MYO9A: variants seen among roughly 807,000 people sequenced by gnomAD.
MYO9A encodes unconventional myosin-IXa.
In MYO9A, 103 loss-of-function variants were observed where a neutral mutation model predicts 293.3. The ratio of observed to expected loss-of-function variants is 0.35; its 90% CI spans 0.30 to 0.41. The LOEUF is 0.41. MYO9A is among the 10% of genes least tolerant of loss of function. The pLI, the probability that MYO9A is intolerant of heterozygous loss-of-function variation, is 1.00. For synonymous variants in MYO9A, 1,001 were observed against 1,035.7 expected (o/e 0.97, Z 0.64); for missense variants, 2,685 against 3,033.0 (o/e 0.89, Z 2.69).
chr15:71,947,839 A>G (rs551587560), intron 15 of MYO9A, among the ~76,000 whole-genome samples: 1 of 152,312 alleles, frequency 6.6e-6, no homozygotes, highest in Admixed American at 6.5e-5. Flanking sequence ...GAATGGGTTC[A>G]AATTAAAGTT....
At chr15:71,849,010 G>GTAAA in intron 38 of MYO9A, 42 bp from the exon 39 acceptor site, 1 of 1,529,466 alleles carries the variant, frequency 6.5e-7, no homozygotes, top group Non-Finnish European at 8.8e-7. Flanking sequence ...AAGAGGTGAA[G>GTAAA]TAAATAAAGT....
At chr15:71,972,567 C>G (rs908968204) in intron 12 of MYO9A, among the ~76,000 whole-genome samples, 2 of 152,060 alleles carry the variant, frequency 1.3e-5, no homozygotes, top group African/African-American at 4.8e-5. Context: ...TAGAGGACAC[C>G]CAGTTGGTGT....
At position 71,991,165 on chromosome 15, in the gene MYO9A, T is replaced by C; in HGVS notation, c.1660A>G (p.Ile554Val). 6.2e-7 allele frequency: 1 copy of C among 1,609,572 alleles called. No homozygotes were observed. The highest frequency in any genetic ancestry group is 1.1e-5 in the South Asian group (1 of 90,138). The change falls in exon 11 of 42, where the codon ATT (isoleucine) becomes GTT (valine). Residue 554 changes from isoleucine (I) to valine (V), a missense_variant. Around this residue, in one of 10 missense-constraint regions of MYO9A, gnomAD observed 201 missense variants for 245.2 expected, o/e 0.82. Transcript: ENST00000356056. ...TGTAAACGTTCATTAGCAAAATTAATACAGAACTGTTCAAAGCTGTTATTT... is the reference window on the plus strand; with the variant it reads ...TGTAAACGTTCATTAGCAAAATTAACACAGAACTGTTCAAAGCTGTTATTT... ...YENNSFEQFC[I>V]NFANERLQHY...
intron 26 of MYO9A, chr15:71,893,018 C>T (rs1374355605): frequency 1.6e-6 from 2 of 1,289,650 alleles, no homozygotes; most frequent in African/African-American, 3.0e-5. Context: ...GGCCCTAGCT[C>T]ACAGTGAGAA....
chr15:71,994,959 T>C (rs2148512345), intron 9 of MYO9A, among the ~76,000 whole-genome samples: 1 of 152,308 alleles, frequency 6.6e-6, no homozygotes, highest in South Asian at 2.1e-4. Flanking sequence ...CTCAAATTCC[T>C]GACCTCAGGT....
intron 33 of MYO9A, 121 bp from the exon 34 acceptor site, chr15:71,859,917 T>C: frequency 1.4e-6 from 1 of 721,582 alleles, no homozygotes; most frequent in Non-Finnish European, 2.3e-6. Context: ...TGCTGTAATA[T>C]GACATACATA....
intron 4 of MYO9A, among the ~76,000 whole-genome samples, chr15:72,025,464 G>T (rs145172901): frequency 1.1e-3 from 166 of 152,198 alleles, no homozygotes; most frequent in African/African-American, 3.7e-3. Flanking sequence ...AGGTTCAGGC[G>T]ATTCTCCTGA....
At chr15:72,084,617 T>C (rs1268620775) in intron 1 of MYO9A, among the ~76,000 whole-genome samples, 1 of 152,226 alleles carries the variant, frequency 6.6e-6, no homozygotes, top group Non-Finnish European at 1.5e-5. Flanking sequence ...AGTCTTTCCA[T>C]ACTTAGTGCT....
chr15:71,915,783 T>C (rs1259690169), intron 19 of MYO9A, among the ~76,000 whole-genome samples: 1 of 152,172 alleles, frequency 6.6e-6, no homozygotes, highest in Non-Finnish European at 1.5e-5. Context: ...TTGCTTACTT[T>C]CATAAATATC....
intron 1 of MYO9A, 105 bp downstream of exon 1, chr15:72,117,575 T>C (rs1315055296): frequency 5.3e-6 from 2 of 379,610 alleles, no homozygotes; most frequent in Non-Finnish European, 9.3e-6. Flanking sequence ...TCGCGGGGCG[T>C]CTCCGCTGGG....
intron 1 of MYO9A, among the ~76,000 whole-genome samples, chr15:72,058,271 T>C (rs1191917430): frequency 6.6e-6 from 1 of 152,188 alleles, no homozygotes; most frequent in African/African-American, 2.4e-5. Context: ...AAATTGCACA[T>C]AAAGGTATAC....
chr15:71,826,896 G>C lies in MYO9A; in HGVS notation c.7331C>G (p.Ser2444Cys), dbSNP rs753152344. 1 of 1,614,138 alleles carries C rather than the reference G, an allele frequency of 6.2e-7. No homozygotes were observed. Among genetic ancestry groups the C allele is most frequent in the Non-Finnish European group, 8.5e-7 (1 of 1,179,998 alleles). The stretch of plus-strand genomic sequence containing the variant: ...CTGAAATAGTTTTCTGGTCCCATGA[G>C]ATGATGCCGTGTTAGACAGACATAA... ...SSLCLSNTAS[S>C]HGTRKLFQIY... is the part of the protein sequence containing the mutation. Residue 2444 changes from serine (S) to cysteine (C), a missense_variant, in exon 42 of 42, where the codon TCT (serine) becomes TGT (cysteine). Physicochemically the swap from Ser to Cys is moderately radical, Grantham distance 112. This residue lies in a region of MYO9A where 350 missense variants were observed against 328.9 expected (regional missense o/e 1.06). Transcript: ENST00000356056.
chr15:71,859,436 T>C (rs1399394774), intron 34 of MYO9A, among the ~76,000 whole-genome samples: 1 of 152,194 alleles, frequency 6.6e-6, no homozygotes, highest in Non-Finnish European at 1.5e-5. Flanking sequence ...TTTATGAGCA[T>C]TTAAGGAAGT....
chr15:72,013,977 T>C (rs993937471), intron 6 of MYO9A, among the ~76,000 whole-genome samples: 1 of 152,216 alleles, frequency 6.6e-6, no homozygotes, highest in African/African-American at 2.4e-5. Flanking sequence ...ATCTGATTTT[T>C]ATATTTTTTT....
chr15:71,901,363 G>C (rs1449219218), intron 22 of MYO9A, 23 bp from the exon 23 acceptor site: 2 of 1,596,584 alleles, frequency 1.3e-6, no homozygotes, highest in Non-Finnish European at 1.7e-6. Context: ...AGAAAGATGA[G>C]GAATGCAGCT....
Position 71,878,021 on chromosome 15 carries a change from C to A in MYO9A, c.5931+19G>T. ...TTCATAATTAAATCCTTTAAGTAAT[C>A]AAAATATATCACATTTACCTTTGTG... On this transcript the variant is annotated intron_variant, in intron 31 of 41. Transcript: ENST00000356056. 3 of 1,550,314 alleles carry A rather than the reference C, an allele frequency of 1.9e-6. No individual in the cohort carries two copies. Among genetic ancestry groups the A allele is most frequent in the South Asian group, 2.5e-5 (2 of 80,246 alleles).
At chr15:72,070,509 T>C (rs886688025) in intron 1 of MYO9A, among the ~76,000 whole-genome samples, 3 of 151,300 alleles carry the variant, frequency 2.0e-5, no homozygotes, top group African/African-American at 4.9e-5. Context: ...AATCCACTTA[T>C]GAGCTCTACA....
chr15:71,880,536 T>C lies in MYO9A; in HGVS notation c.5421A>G (p.Thr1807=). The change falls in exon 29 of 42, where the codon ACA becomes ACG. Residue 1807 remains threonine (T), a synonymous_variant. Transcript: ENST00000356056. ...CGGGCAGTTCTGGGCTCAAAGGAGG[T>C]GTTGGGTGATATGCAGCTAATTCTA... ...FPDELAAYHP[T]PPLSPELPGS... The C allele has an allele frequency of 4.3e-6, 7 of 1,613,942 alleles. No individual in the cohort carries two copies. Among genetic ancestry groups the C allele is most frequent in the Non-Finnish European group, 5.9e-6 (7 of 1,179,906 alleles).
chr15:71,858,126 T>G, intron 34 of MYO9A, among the ~76,000 whole-genome samples: 1 of 152,296 alleles, frequency 6.6e-6, no homozygotes, highest in Non-Finnish European at 1.5e-5. Context: ...GGAGAGGATG[T>G]GGAGAAATAG....
Sources: gnomAD v4.1 joint callset for allele counts (sites outside exome capture counted in the v4.1 genomes callset) on GRCh38, gnomAD v4.1.1 for gene constraint, gnomAD v4.1.1 regional missense constraint, MANE v1.5 for transcripts, NCBI Gene and HGNC (gene_info 2026-07-23, HGNC 2026-07-21) for gene names.